The following KCNJ15 variants were observed in gnomAD, a reference collection of about 807,000 sequenced individuals.
KCNJ15 encodes the protein ATP-sensitive inward rectifier potassium channel 15.
In KCNJ15, 14 loss-of-function variants were observed where a neutral mutation model predicts 23.0. The observed-to-expected ratio is 0.61, with a 90% CI of 0.40 to 0.95. KCNJ15 has a LOEUF of 0.95. Ranked by LOEUF, KCNJ15 falls within the 40% of genes least tolerant of loss-of-function variation. The pLI is 0.00. For missense variants in KCNJ15, 388 were observed against 461.8 expected (o/e 0.84, Z 1.46); for synonymous variants, 185 against 183.2 (o/e 1.01, Z -0.08).
intron 2 of KCNJ15, among the ~76,000 whole-genome samples, chr21:38,298,439 G>T (rs1291926157): frequency 6.6e-6 from 1 of 152,142 alleles, no homozygotes; most frequent in East Asian, 1.9e-4. Flanking sequence ...GACATTGGTA[G>T]CACTTTTCCA....
intron 1 of KCNJ15, among the ~76,000 whole-genome samples, chr21:38,258,449 G>T (rs1490341141): frequency 6.6e-6 from 1 of 152,112 alleles, no homozygotes; most frequent in Admixed American, 6.5e-5. Flanking sequence ...ACCTTCTAGG[G>T]TTTTACTTTT....
intron 1 of KCNJ15, among the ~76,000 whole-genome samples, chr21:38,288,155 C>T (rs1035505671): frequency 1.3e-5 from 2 of 148,590 alleles, no homozygotes; most frequent in African/African-American, 5.0e-5. Context: ...ATTCTCCTGC[C>T]TCAGCCTCCC....
intron 1 of KCNJ15, among the ~76,000 whole-genome samples, chr21:38,286,783 T>A (rs1266469432): frequency 6.6e-6 from 1 of 152,106 alleles, no homozygotes; most frequent in African/African-American, 2.4e-5. Context: ...GAATCCACGA[T>A]CTCACATGAG....
At chr21:38,273,738 C>T (rs1240280482) in intron 1 of KCNJ15, among the ~76,000 whole-genome samples, 2 of 152,186 alleles carry the variant, frequency 1.3e-5, no homozygotes, top group African/African-American at 4.8e-5. Flanking sequence ...AATAGTTAAA[C>T]GATCAACATA....
chr21:38,260,645 G>T (rs1227118858), intron 1 of KCNJ15, among the ~76,000 whole-genome samples: 2 of 152,188 alleles, frequency 1.3e-5, no homozygotes, highest in East Asian at 3.9e-4. Flanking sequence ...GCTCACGTCA[G>T]AAGATGCAGG....
intron 1 of KCNJ15, among the ~76,000 whole-genome samples, chr21:38,287,290 G>C (rs1984010988): frequency 6.6e-6 from 1 of 152,206 alleles, no homozygotes; most frequent in African/African-American, 2.4e-5. Context: ...TTTGTTTTCA[G>C]AGTTTTTAGT....
At chr21:38,247,561 GA>G (rs1979527277) in intron 1 of KCNJ15, among the ~76,000 whole-genome samples, 2 of 148,586 alleles carry the variant, frequency 1.3e-5, no homozygotes, top group Non-Finnish European at 3.0e-5. Context: ...TGGATGGATG[GA>G]TGGATGGAAA....
At chr21:38,229,941 G>C (rs937007885) in intron 1 of KCNJ15, among the ~76,000 whole-genome samples, 1 of 152,174 alleles carries the variant, frequency 6.6e-6, no homozygotes, top group African/African-American at 2.4e-5. Context: ...TTCAGCAGCT[G>C]ATGGGCATTT....
Position 38,303,830 on chromosome 21 carries a change from G to A in KCNJ15, c.*3441G>A, listed in dbSNP as rs1215463463. ...AAAAAATAGTGGCATTTGCACTCTA[G>A]CATTATTCTGTCTCCCTTATTTGAG... On this transcript the variant is annotated 3_prime_UTR_variant, in exon 3 of 3. Coordinates refer to ENST00000398938, the MANE Select transcript of KCNJ15 (RefSeq NM_170736.3). The A allele has an allele frequency of 6.6e-6, 1 of 152,126 alleles. No individual in the cohort carries two copies. Among genetic ancestry groups the A allele is most frequent in the Non-Finnish European group, 1.5e-5 (1 of 68,018 alleles). The allele number at this position is 152,126 out of a possible 1,614,324, so 9.4% of individuals were successfully genotyped here.
At chr21:38,265,376 G>T (rs1981355933) in intron 1 of KCNJ15, among the ~76,000 whole-genome samples, 1 of 152,182 alleles carries the variant, frequency 6.6e-6, no homozygotes, top group Non-Finnish European at 1.5e-5. Context: ...ATTTAAACAT[G>T]AATTGTATAA....
intron 1 of KCNJ15, among the ~76,000 whole-genome samples, chr21:38,261,060 G>T (rs886521501): frequency 6.7e-6 from 1 of 150,178 alleles, no homozygotes; most frequent in Non-Finnish European, 1.5e-5. Context: ...GAAAAAAGAG[G>T]GTGACGCAGA....
At chr21:38,251,298 G>A (rs1979816495) in intron 1 of KCNJ15, among the ~76,000 whole-genome samples, 1 of 152,170 alleles carries the variant, frequency 6.6e-6, no homozygotes, top group Admixed American at 6.5e-5. Context: ...AGGAACAAAC[G>A]GTGTGTATTT....
intron 1 of KCNJ15, among the ~76,000 whole-genome samples, chr21:38,240,114 AT>A (rs1280553083): frequency 6.6e-6 from 1 of 151,516 alleles, no homozygotes; most frequent in African/African-American, 2.4e-5. Flanking sequence ...TTCTACCTTT[AT>A]TTCTCCAAGT....
At chr21:38,281,904 C>T (rs1341051362) in intron 1 of KCNJ15, among the ~76,000 whole-genome samples, 7 of 152,126 alleles carry the variant, frequency 4.6e-5, no homozygotes, top group African/African-American at 1.4e-4. Context: ...AGAAACTTTC[C>T]CTTTCTTTGC....
upstream of KCNJ15, among the ~76,000 whole-genome samples, chr21:38,255,153 C>T (rs532215700): frequency 1.3e-5 from 2 of 152,262 alleles, no homozygotes; most frequent in South Asian, 4.1e-4. Context: ...GGGGCACGGA[C>T]TTGGATCAGG....
At chr21:38,268,641 G>A (rs1225276634) in intron 1 of KCNJ15, among the ~76,000 whole-genome samples, 1 of 150,646 alleles carries the variant, frequency 6.6e-6, no homozygotes, top group Non-Finnish European at 1.5e-5. Flanking sequence ...ACAAATGGAA[G>A]GTCATTCTAA....
Position 38,284,186 on chromosome 21 carries a change from G to A in KCNJ15, c.-116-12740G>A, listed in dbSNP as rs550506936. Among the ~76,000 whole-genome samples, 6 of 152,262 alleles carry A rather than the reference G, an allele frequency of 3.9e-5. No homozygotes were observed. The East Asian group carries it at 5.8e-4, about 15-fold the overall frequency. Reference sequence around the variant, plus strand: ...AGAGGTGAGATCCTCCTTCTGCATCGGGATTCTGCACAAGCGTGAGCTCCA... The same window carrying A: ...AGAGGTGAGATCCTCCTTCTGCATCAGGATTCTGCACAAGCGTGAGCTCCA... On this transcript the variant is annotated intron_variant, in intron 1 of 2. Coordinates refer to ENST00000398938, the MANE Select transcript of KCNJ15 (RefSeq NM_170736.3).
chr21:38,243,098 A>T (rs1676180537), intron 1 of KCNJ15, among the ~76,000 whole-genome samples: 1 of 151,866 alleles, frequency 6.6e-6, no homozygotes, highest in Admixed American at 6.6e-5. Context: ...AATTACTGAG[A>T]TTTGGGCCAC....
intron 1 of KCNJ15, among the ~76,000 whole-genome samples, chr21:38,269,532 A>G (rs1981862931): frequency 6.6e-6 from 1 of 152,180 alleles, no homozygotes; most frequent in African/African-American, 2.4e-5. Flanking sequence ...AAAAGTAACT[A>G]TCTCCTCTGT....
Sources: gnomAD v4.1 joint callset for allele counts (sites outside exome capture counted in the v4.1 genomes callset) on GRCh38, gnomAD v4.1.1 for gene constraint, MANE v1.5 for transcripts, NCBI Gene and HGNC (gene_info 2026-07-23, HGNC 2026-07-21) for gene names.